INPP5D: variants seen among roughly 807,000 people sequenced by gnomAD.
INPP5D encodes inositol polyphosphate-5-phosphatase D.
In INPP5D, 33 loss-of-function variants were observed where a neutral mutation model predicts 122.9. That is an observed-to-expected ratio of 0.27 (90% CI 0.20 to 0.36). The LOEUF (loss-of-function observed/expected upper bound fraction) is 0.36. Ranked by LOEUF, INPP5D falls within the 10% of genes least tolerant of loss-of-function variation. INPP5D has a pLI of 1.00. For synonymous variants in INPP5D, 584 were observed against 576.2 expected, an observed-to-expected ratio of 1.01 and a Z score of -0.19; for missense variants, 1,053 against 1,412.7, an observed-to-expected ratio of 0.75 and a Z score of 4.08.
At chr2:233,079,919 A>G (rs1231150797) in intron 2 of INPP5D, among the ~76,000 whole-genome samples, 1 of 152,182 alleles carries the variant, frequency 6.6e-6, no homozygotes, top group Non-Finnish European at 1.5e-5. Flanking sequence ...CAAAACTTGC[A>G]GTTCATTTTT....
chr2:233,204,790 ATGCATATGTGTG>A (rs917174394), intron 26 of INPP5D, 73 bp downstream of exon 26: 32 of 1,085,852 alleles, frequency 2.9e-5, no homozygotes, highest in Non-Finnish European at 3.9e-5. Context: ...GTGTGTACCT[ATGCATATGTGTG>A]TGCATGTGTG....
intron 22 of INPP5D, among the ~76,000 whole-genome samples, chr2:233,190,210 T>G (rs1021034133): frequency 6.6e-6 from 1 of 152,206 alleles, no homozygotes; most frequent in African/African-American, 2.4e-5. Context: ...TATCATGTGA[T>G]ATAACCTTGA....
intron 14 of INPP5D, chr2:233,169,624 T>C: frequency 1.5e-6 from 1 of 683,856 alleles, no homozygotes; most frequent in Non-Finnish European, 2.4e-6. Context: ...GATATTTCCT[T>C]GTGTCATTAG....
intron 2 of INPP5D, among the ~76,000 whole-genome samples, chr2:233,102,355 C>T (rs995804355): frequency 1.3e-5 from 2 of 152,176 alleles, no homozygotes; most frequent in African/African-American, 4.8e-5. Flanking sequence ...GGTGTTTCCC[C>T]CATGGGCCCC....
chr2:233,193,855 G>A lies in INPP5D; in HGVS notation c.2490G>A (p.Gln830=). The A allele has an allele frequency of 6.2e-7, 1 of 1,613,738 alleles. No individual in the cohort carries two copies. Among genetic ancestry groups the A allele is most frequent in the Non-Finnish European group, 8.5e-7 (1 of 1,179,832 alleles). ...IALRLEATET[Q]LPIYTPLTHH... is the part of the protein sequence containing the mutation. ...TTCGGTTAGAGGCCACAGAAACGCA[G>A]CTGCCCATCTACACGCCTCTCACCC... Residue 830 remains glutamine (Q), a synonymous_variant, in exon 23 of 27, where the codon CAG becomes CAA. Coordinates refer to ENST00000445964, the MANE Select transcript of INPP5D (RefSeq NM_001017915.3).
At chr2:233,178,552 G>A (rs944714844) in intron 18 of INPP5D, among the ~76,000 whole-genome samples, 1 of 151,614 alleles carries the variant, frequency 6.6e-6, no homozygotes, top group African/African-American at 2.4e-5. Context: ...GCAAAATCTC[G>A]GCTCCCTGCA....
At chr2:233,067,025 G>T (rs926616833) in intron 1 of INPP5D, among the ~76,000 whole-genome samples, 2 of 152,116 alleles carry the variant, frequency 1.3e-5, no homozygotes, top group African/African-American at 4.8e-5. Context: ...TGATCTGCCC[G>T]CCTAGGCCTC....
rs149652232 is a variant in INPP5D at position 233,126,413 on chromosome 2, C to T, written c.524+494C>T. On this transcript the variant is annotated intron_variant, in intron 4 of 26. Coordinates refer to ENST00000445964, the MANE Select transcript of INPP5D (RefSeq NM_001017915.3). Reference sequence around the variant, plus strand: ...ACTTGGCAAAATATGAAGTAGATGCCGATGGGACACATACGCCACCGGGTT... The same window carrying T: ...ACTTGGCAAAATATGAAGTAGATGCTGATGGGACACATACGCCACCGGGTT... Among the ~76,000 whole-genome samples, 25 of 152,200 alleles carry T rather than the reference C, an allele frequency of 1.6e-4. No individual in the cohort carries two copies. In the East Asian group the frequency reaches 3.7e-3, roughly 22 times the overall value.
Position 233,204,487 on chromosome 2 carries a change from C to G in INPP5D, c.3337C>G (p.Gln1113Glu). 1 of 1,584,754 alleles carries G rather than the reference C, an allele frequency of 6.3e-7. No individual in the cohort carries two copies. Among genetic ancestry groups the G allele is most frequent in the Non-Finnish European group, 8.6e-7 (1 of 1,166,816 alleles). Residue 1113 changes from glutamine to glutamate, a missense_variant, in exon 26 of 27, where the codon CAG becomes GAG. By Grantham distance (29) the Gln-to-Glu change is conservative. This residue lies in a region of INPP5D where 417 missense variants were observed against 425.8 expected (regional missense o/e 0.98). Coordinates refer to ENST00000445964, the MANE Select transcript of INPP5D (RefSeq NM_001017915.3). ...QGKPKTPVSS[Q>E]APVPAKRPIK... ...GAAGCCCAAGACCCCGGTCAGCTCC[C>G]AGGCCCCGGTGCCGGCCAAGAGGCC...
rs867193478 is a variant in INPP5D at position 233,170,384 on chromosome 2, C to T, written c.1792-112C>T. On this transcript the variant is annotated intron_variant, in intron 15 of 26. Coordinates refer to ENST00000445964, the MANE Select transcript of INPP5D (RefSeq NM_001017915.3). The surrounding 1 kb of genome is among the most constrained non-coding windows in gnomAD (Gnocchi z 4.5). ...CCCATAACTGTCACAGCCACCCTGC[C>T]ACCATCACTCTGCAGCCCGGGTCAT... 28 of 1,525,718 alleles carry T rather than the reference C, an allele frequency of 1.8e-5. 1 individual carries two copies. In the Middle Eastern group the frequency reaches 9.1e-4, roughly 49 times the overall value. The allele number at this position is 1,525,718 out of a possible 1,614,324, so 94.5% of individuals were successfully genotyped here.
At chr2:233,150,150 GT>G (rs1475365629) in intron 9 of INPP5D, among the ~76,000 whole-genome samples, 1 of 152,126 alleles carries the variant, frequency 6.6e-6, no homozygotes, top group African/African-American at 2.4e-5. Flanking sequence ...ATTTGGCTGT[GT>G]CCCCACCCAA....
intron 17 of INPP5D, among the ~76,000 whole-genome samples, chr2:233,176,823 A>C (rs28615641): frequency 0.28 from 41,950 of 151,224 alleles, 7,241 homozygotes; most frequent in Non-Finnish European, 0.38. Context: ...TGGATGGGTG[A>C]ATGAGTAAAG....
chr2:233,165,172 TGA>T (rs1485380891), intron 13 of INPP5D, among the ~76,000 whole-genome samples: 1 of 152,120 alleles, frequency 6.6e-6, no homozygotes, highest in Non-Finnish European at 1.5e-5. Flanking sequence ...TGTAGGTGTG[TGA>T]GAGTTTATGG....
In INPP5D at chr2:233,146,995, ATCC is replaced by A. The variant is rs200947478; in HGVS notation, c.907-473_907-471del. Among the ~76,000 whole-genome samples the A allele has an allele frequency of 5.1e-3, 784 of 152,254 alleles. 10 individuals are homozygous for A. The highest frequency in any genetic ancestry group is 0.017 in the African/African-American group (719 of 41,550). On this transcript the variant is annotated intron_variant, in intron 8 of 26. Coordinates refer to ENST00000445964, the MANE Select transcript of INPP5D (RefSeq NM_001017915.3). ...AAAGTCCGTTCTAGACCTGGTGATT[ATCC>A]TCTATTAAGATAAATTTCCATTTTC...
chr2:233,163,215 C>T (rs969622406), intron 11 of INPP5D, among the ~76,000 whole-genome samples: 2 of 152,282 alleles, frequency 1.3e-5, no homozygotes, highest in East Asian at 1.9e-4. Flanking sequence ...AATGGGAATG[C>T]GGAGGAGTTT....
At chr2:233,132,725 A>G (rs1693361957) in intron 5 of INPP5D, among the ~76,000 whole-genome samples, 1 of 152,146 alleles carries the variant, frequency 6.6e-6, no homozygotes, top group African/African-American at 2.4e-5. Context: ...TCATTCGTTC[A>G]TCGAACAAAC....
At position 233,160,205 on chromosome 2, in the gene INPP5D, T is replaced by C. The variant is rs1694166074; in HGVS notation, c.1138-1519T>C. Among the ~76,000 whole-genome samples, 1 of 152,096 alleles carries C rather than the reference T, an allele frequency of 6.6e-6. No individual in the cohort carries two copies. The highest frequency in any genetic ancestry group is 1.5e-5 in the Non-Finnish European group (1 of 67,980). Reference sequence around the variant, plus strand: ...GGGAGGACTTACTGAGATTTGCAATTATAAGGTTGAATCATGTAAAATTTC... The same window carrying C: ...GGGAGGACTTACTGAGATTTGCAATCATAAGGTTGAATCATGTAAAATTTC... On this transcript the variant is annotated intron_variant, in intron 10 of 26. Coordinates refer to ENST00000445964, the MANE Select transcript of INPP5D (RefSeq NM_001017915.3). This position sits in a 1 kb window ranked among gnomAD's most constrained non-coding sequence, Gnocchi z 4.2.
chr2:233,113,906 C>CTTT (rs778997649), intron 2 of INPP5D, among the ~76,000 whole-genome samples: 8,242 of 127,460 alleles, frequency 0.065, 633 homozygotes, highest in African/African-American at 0.14. Flanking sequence ...CCAAACCACT[C>CTTT]TTTTTTTTTT....
Position 233,169,354 on chromosome 2 carries a change from A to G in INPP5D, c.1605A>G (p.Leu535=), listed in dbSNP as rs1694428552. The change falls in exon 14 of 27, where the codon TTA becomes TTG. Residue 535 remains leucine, a synonymous_variant. Transcript: ENST00000445964. ...CGTTCATGTTCAATGGAACCTCCTT[A>G]GGGTTCGTCAACAGCCACTTGACTT... is the stretch of plus-strand genomic sequence containing the variant. ...GVSFMFNGTS[L]GFVNSHLTSG... is the part of the protein sequence containing the mutation. 1.2e-6 allele frequency: 2 copies of G among 1,605,816 alleles called. No homozygotes were observed. The highest frequency in any genetic ancestry group is 1.7e-5 in the Admixed American group (1 of 58,802).
Sources: gnomAD v4.1 joint callset for allele counts (sites outside exome capture counted in the v4.1 genomes callset) on GRCh38, gnomAD v4.1.1 for gene constraint, gnomAD v4.1.1 regional missense constraint, Gnocchi (gnomAD v3.1) non-coding constraint, MANE v1.5 for transcripts, NCBI Gene and HGNC (gene_info 2026-07-23, HGNC 2026-07-21) for gene names.